Variants in ITM2A observed in about 807,000 individuals in gnomAD.
The protein encoded by ITM2A is BRICHOS domain containing 2A.
Under a neutral mutation model 16.6 loss-of-function variants are expected in ITM2A, and 11 were observed. The observed-to-expected ratio is 0.66, with a 90% CI of 0.42 to 1.10. The LOEUF is 1.10. Ranked by LOEUF, ITM2A falls within the 50% of genes least tolerant of loss-of-function variation. The pLI is 0.00. For missense variants in ITM2A, 243 were observed against 206.8 expected, an observed-to-expected ratio of 1.17 and a Z score of -1.07; for synonymous variants, 102 against 71.2, an observed-to-expected ratio of 1.43 and a Z score of -2.18.
At position 79,361,172 on chromosome X, in the gene ITM2A, T is replaced by A. The variant is rs1435231123; in HGVS notation, c.709A>T (p.Asn237Tyr). 1.7e-6 allele frequency: 2 copies of A among 1,196,512 alleles called. No individual in the cohort carries two copies. Among genetic ancestry groups the A allele is most frequent in the Non-Finnish European group, 2.3e-6 (2 of 884,215 alleles). Residue 237 changes from asparagine to tyrosine, a missense_variant, in exon 6 of 6, where the codon AAC (asparagine) becomes TAC (tyrosine). Coordinates refer to ENST00000373298, the MANE Select transcript of ITM2A (RefSeq NM_004867.5). ...CAGCATTTATCAATGGCACGTTTGT[T>A]GAAACCTGTAAGGAAATGTGCAAAA... Reference protein sequence around the residue: ...LRRRDLLLGFNKRAIDKCWKI... With the variant: ...LRRRDLLLGFYKRAIDKCWKI...
rs189139312 is a variant in ITM2A, at chrX:79,365,351, T to C, written c.111+1754A>G. Among the ~76,000 whole-genome samples, 5 of 111,802 alleles carry C rather than the reference T, an allele frequency of 4.5e-5. No individual in the cohort carries two copies. The East Asian group carries it at 1.4e-3, about 31-fold the overall frequency. Reference sequence around the variant, plus strand: ...CTTTAGGTTGGTGTGAGCCATCAATTACCATAGCTAATTTCTCTTGGAACT... The same window carrying C: ...CTTTAGGTTGGTGTGAGCCATCAATCACCATAGCTAATTTCTCTTGGAACT... On this transcript the variant is annotated intron_variant, in intron 1 of 5. Coordinates refer to ENST00000373298, the MANE Select transcript of ITM2A (RefSeq NM_004867.5).
chrX:79,364,629 G>C (rs1323956497), intron 1 of ITM2A, among the ~76,000 whole-genome samples: 4 of 111,707 alleles, frequency 3.6e-5, no homozygotes, highest in Non-Finnish European at 5.7e-5. Context: ...TCATTCAAAC[G>C]TGTATATAAA....
At chrX:79,366,941 A>G in intron 1 of ITM2A, 164 bp downstream of exon 1, 1 of 426,819 alleles carries the variant, frequency 2.3e-6, no homozygotes, top group East Asian at 4.0e-5. Flanking sequence ...GGGTGCGGTA[A>G]GCAGAAGGTG....
At chrX:79,364,790 A>G (rs778808616) in intron 1 of ITM2A, among the ~76,000 whole-genome samples, 18 of 111,499 alleles carry the variant, frequency 1.6e-4, no homozygotes, top group African/African-American at 3.6e-4. Context: ...TCATTTGTTA[A>G]ATGTTTATTT....
chrX:79,361,509 G>T, intron 4 of ITM2A, 30 bp from the exon 5 acceptor site: 5 of 1,163,454 alleles, frequency 4.3e-6, no homozygotes, highest in Non-Finnish European at 5.8e-6. Context: ...ATTGAAATGA[G>T]AAATTCTTTT....
In ITM2A at chrX:79,363,069, T is replaced by C. The variant is rs1396149664; in HGVS notation, c.314A>G (p.Glu105Gly). 8.3e-7 allele frequency: 1 copy of C among 1,208,120 alleles called. No individual in the cohort carries two copies. The change falls in exon 3 of 6, where the codon GAG becomes GGG. Residue 105 changes from glutamate to glycine, a missense_variant. Coordinates refer to ENST00000373298, the MANE Select transcript of ITM2A (RefSeq NM_004867.5). ...CTCAGTCACAGGCAGGAAGTTAGGCTCTCCTCCACGAAGGGAATTTGCAGG... is the reference window on the plus strand; with the variant it reads ...CTCAGTCACAGGCAGGAAGTTAGGCCCTCCTCCACGAAGGGAATTTGCAGG... ...EDPANSLRGG[E>G]PNFLPVTEEA... is the part of the protein sequence containing the mutation.
At chrX:79,361,791 G>C (rs911065231) in intron 4 of ITM2A, among the ~76,000 whole-genome samples, 2 of 109,276 alleles carry the variant, frequency 1.8e-5, no homozygotes, top group East Asian at 5.7e-4. Flanking sequence ...TGCTGTGTTA[G>C]TTTGTAAGGA....
In ITM2A at chrX:79,360,990, G is replaced by A; in HGVS notation, c.*99C>T. Reference sequence around the variant, plus strand: ...TTAAAGCATAAGCAATAGAGTAAATGCATGAGTAAATATCTTGAGTATCCC... The same window carrying A: ...TTAAAGCATAAGCAATAGAGTAAATACATGAGTAAATATCTTGAGTATCCC... On this transcript the variant is annotated 3_prime_UTR_variant, in exon 6 of 6. Transcript: ENST00000373298. The A allele has an allele frequency of 2.5e-6, 1 of 399,102 alleles. No individual in the cohort carries two copies. The highest frequency in any genetic ancestry group is 4.2e-6 in the Non-Finnish European group (1 of 238,894). 32.9% of individuals were successfully genotyped at this position (399,102 alleles called of 1,213,427 possible).
chrX:79,366,479 CTTCT>C (rs1925578282), intron 1 of ITM2A, among the ~76,000 whole-genome samples: 1 of 110,825 alleles, frequency 9.0e-6, no homozygotes, highest in Non-Finnish European at 1.9e-5. Flanking sequence ...ATTTTGACAG[CTTCT>C]TTATCTAATG....
In ITM2A at chrX:79,363,155, G is replaced by A. The variant is rs1240620199; in HGVS notation, c.244-16C>T. 6.1e-6 allele frequency: 7 copies of A among 1,152,812 alleles called. No individual in the cohort carries two copies. Among genetic ancestry groups the A allele is most frequent in the Non-Finnish European group, 8.3e-6 (7 of 848,064 alleles). ...AAATGGTGCTCTAAAAGACAAAAAG[G>A]GAAAATTACAACCTTCTAATAATCA... is the stretch of plus-strand genomic sequence containing the variant. On this transcript the variant is annotated splice_polypyrimidine_tract_variant and intron_variant, in intron 2 of 5. Coordinates refer to ENST00000373298, the MANE Select transcript of ITM2A (RefSeq NM_004867.5).
At chrX:79,366,998 C>A in intron 1 of ITM2A, 107 bp downstream of exon 1, 1 of 539,578 alleles carries the variant, frequency 1.9e-6, no homozygotes, top group Non-Finnish European at 3.0e-6. Flanking sequence ...CCAGAGACAG[C>A]GTAAGAGGAG....
At chrX:79,363,240 G>A in intron 2 of ITM2A, 101 bp from the exon 3 acceptor site, 2 of 795,907 alleles carry the variant, frequency 2.5e-6, no homozygotes, top group Non-Finnish European at 3.6e-6. Context: ...TATGTGTTAA[G>A]CCGAGGCTTG....
In ITM2A at chrX:79,367,219, G is replaced by GA. The variant is rs1445256984; in HGVS notation, c.-5dup. Reference sequence around the variant, plus strand: ...TATTGAAGGCGATTTTCACCATAGTGAATCTTCGGGCTGCGCGGTAAGGCG... The same window carrying GA: ...TATTGAAGGCGATTTTCACCATAGTGAAATCTTCGGGCTGCGCGGTAAGGCG... On this transcript the variant is annotated 5_prime_UTR_variant, in exon 1 of 6. Transcript: ENST00000373298. 6 of 1,167,575 alleles carry GA rather than the reference G, an allele frequency of 5.1e-6. No homozygotes were observed. Among genetic ancestry groups the GA allele is most frequent in the Non-Finnish European group, 5.8e-6 (5 of 860,583 alleles).
rs1019349751 is a variant in ITM2A at position 79,360,445 on chromosome X, A to C, written c.*644T>G. ...TCATACAACCTAAACTCCTTACAGC[A>C]TTCAGCACCTACACAATTTTGTGCA... On this transcript the variant is annotated 3_prime_UTR_variant, in exon 6 of 6. Transcript: ENST00000373298. 1.8e-5 allele frequency: 2 copies of C among 111,913 alleles called. No homozygotes were observed. The highest frequency in any genetic ancestry group is 1.9e-4 in the Admixed American group (2 of 10,503). 9.2% of individuals were successfully genotyped at this position (111,913 alleles called of 1,213,427 possible).
Position 79,361,383 on chromosome X carries a change from G to T in ITM2A, c.649C>A (p.Gln217Lys), listed in dbSNP as rs1441263251. The change falls in exon 5 of 6, where the codon CAA becomes AAA. Residue 217 changes from glutamine (Q) to lysine (K), a missense_variant. Gln to Lys is a moderately conservative substitution (Grantham distance 53). Coordinates refer to ENST00000373298, the MANE Select transcript of ITM2A (RefSeq NM_004867.5). ...DVSNLGIFIY[Q>K]LCNNRKSFRL... ...AAGGACTTTCTGTTATTGCAAAGTT[G>T]GTAAATAAAGATGCCAAGGTTACTA... 5.0e-6 allele frequency: 6 copies of T among 1,206,450 alleles called. No homozygotes were observed. The highest frequency in any genetic ancestry group is 5.6e-6 in the Non-Finnish European group (5 of 892,004).
chrX:79,361,587 G>A, intron 4 of ITM2A, 108 bp from the exon 5 acceptor site: 1 of 649,111 alleles, frequency 1.5e-6, no homozygotes, highest in Non-Finnish European at 2.4e-6. Context: ...TGTGTCATGG[G>A]GTTTGTTGTA....
rs995941287 is a variant in ITM2A at position 79,365,384 on chromosome X, A to G, written c.111+1721T>C. 3.6e-5 allele frequency among the ~76,000 whole-genome samples: 4 copies of G among 111,506 alleles called. No homozygotes were observed. In the Admixed American group the frequency reaches 3.8e-4, roughly 11 times the overall value. ...CTAATTTCTCTTGGAACTCTTTCGA[A>G]GTGATTGTACACTATGTCTGACATC... On this transcript the variant is annotated intron_variant, in intron 1 of 5. Transcript: ENST00000373298.
rs1925602848 is a variant in ITM2A at position 79,367,111 on chromosome X, G to T, written c.105C>A (p.Thr35=). 8.6e-7 allele frequency: 1 copy of T among 1,163,385 alleles called. No homozygotes were observed. Among genetic ancestry groups the T allele is most frequent in the Non-Finnish European group, 1.2e-6 (1 of 857,735 alleles). The change falls in exon 1 of 6, where the codon ACC becomes ACA. Residue 35 remains threonine, a synonymous_variant. Transcript: ENST00000373298. ...CCCGCCCTGGGACAGCTACCTTGCCGGTCAGTATCTGAGTTCTGACCGTGC... is the reference window on the plus strand; with the variant it reads ...CCCGCCCTGGGACAGCTACCTTGCCTGTCAGTATCTGAGTTCTGACCGTGC... ...LSRTVRTQIL[T]GKELRVATQE...
intron 4 of ITM2A, among the ~76,000 whole-genome samples, chrX:79,362,144 C>G (rs1449994119): frequency 9.0e-6 from 1 of 111,518 alleles, no homozygotes; most frequent in Non-Finnish European, 1.9e-5. Context: ...TACACCAACA[C>G]CAATGGTGTA....
Sources: allele counts gnomAD v4.1 joint callset (sites outside exome capture counted in the v4.1 genomes callset), GRCh38; gene constraint gnomAD v4.1.1; transcripts MANE v1.5; gene names NCBI Gene and HGNC (gene_info 2026-07-23, HGNC 2026-07-21).